GLYR1: variants seen among roughly 807,000 people sequenced by gnomAD.
GLYR1 encodes the protein cytokine-like nuclear factor N-PAC.
In GLYR1, 21 loss-of-function variants were observed where a neutral mutation model predicts 72.7. The ratio of observed to expected loss-of-function variants is 0.29; its 90% confidence interval spans 0.20 to 0.42. GLYR1 has a LOEUF of 0.42. Ranked by LOEUF, GLYR1 falls within the 10% of genes least tolerant of loss-of-function variation. The pLI, the probability that GLYR1 is intolerant of heterozygous loss-of-function variation, is 1.00. For synonymous variants in GLYR1, 392 were observed against 270.2 expected (o/e 1.45, Z -4.42); for missense variants, 594 against 712.1 (o/e 0.83, Z 1.89).
At chr16:4,842,116 C>T (rs753165062) in intron 3 of GLYR1, among the ~76,000 whole-genome samples, 7 of 151,972 alleles carry the variant, frequency 4.6e-5, no homozygotes, top group Non-Finnish European at 7.4e-5. Flanking sequence ...TGGTGGTGTG[C>T]GCCTGTAGTC....
At chr16:4,815,762 T>C (rs2083596833) in intron 10 of GLYR1, among the ~76,000 whole-genome samples, 1 of 152,072 alleles carries the variant, frequency 6.6e-6, no homozygotes, top group South Asian at 2.1e-4. Context: ...CCTGATCATT[T>C]AACCAGTCAA....
intron 3 of GLYR1, among the ~76,000 whole-genome samples, chr16:4,833,726 A>G (rs1257181876): frequency 6.6e-6 from 1 of 152,204 alleles, no homozygotes; most frequent in African/African-American, 2.4e-5. Context: ...TTTAATTTCA[A>G]CCATCAATGT....
chr16:4,813,609 G>A (rs1010915989), intron 12 of GLYR1, 128 bp downstream of exon 12: 1 of 788,640 alleles, frequency 1.3e-6, no homozygotes, highest in Non-Finnish European at 2.1e-6. Context: ...TAGTCCCAAG[G>A]CTACTCGCCT....
At chr16:4,830,402 C>G (rs1377951162) in intron 5 of GLYR1, among the ~76,000 whole-genome samples, 1 of 152,094 alleles carries the variant, frequency 6.6e-6, no homozygotes, top group Non-Finnish European at 1.5e-5. Context: ...TTGGCAGAAG[C>G]TGGCTAGAAC....
intron 8 of GLYR1, 46 bp downstream of exon 8, chr16:4,821,501 A>G: frequency 1.2e-6 from 2 of 1,614,006 alleles, no homozygotes; most frequent in Non-Finnish European, 1.7e-6. Flanking sequence ...CTGCAGTTTA[A>G]GGCCCCAGGT....
rs969820471 is a variant in GLYR1 at position 4,814,065 on chromosome 16, A to G, written c.1018-227T>C. 10 of 126,898 alleles carry G rather than the reference A, an allele frequency of 7.9e-5. No individual in the cohort carries two copies. In the East Asian group the frequency reaches 1.4e-3, roughly 18 times the overall value. The allele number at this position is 126,898 out of a possible 1,614,324, so 7.9% of individuals were successfully genotyped here. On this transcript the variant is annotated intron_variant, in intron 11 of 15. Transcript: ENST00000321919. The stretch of plus-strand genomic sequence containing the variant: ...TGAGTGTGTGCATTTCTTTTTATTT[A>G]AAAAAAAAAAAAAACAAACCCCATT...
chr16:4,824,414 C>G (rs938060769), intron 5 of GLYR1, among the ~76,000 whole-genome samples: 3 of 150,040 alleles, frequency 2.0e-5, no homozygotes, highest in Admixed American at 6.7e-5. Flanking sequence ...GCAGAAGAAT[C>G]GCTTGAACCG....
rs769771526 is a variant in GLYR1, at chr16:4,823,853, C to T, written c.592G>A (p.Ala198Thr). The T allele has an allele frequency of 1.2e-6, 2 of 1,613,984 alleles. No homozygotes were observed. The highest frequency in any genetic ancestry group is 2.7e-5 in the African/African-American group (2 of 74,916). Residue 198 changes from alanine (A) to threonine (T), a missense_variant, in exon 6 of 16, where the codon GCC becomes ACC. This residue lies in a region of GLYR1 where 252 missense variants were observed against 211.3 expected (regional missense o/e 1.19). Coordinates refer to ENST00000321919, the MANE Select transcript of GLYR1 (RefSeq NM_032569.4). Reference sequence around the variant, plus strand: ...GCGGTTGGCTGCCATTTAAACGCGGCCATCGGTCCGGCCATCATCCCCTTC... The same window carrying T: ...GCGGTTGGCTGCCATTTAAACGCGGTCATCGGTCCGGCCATCATCCCCTTC... ...TVKGMMAGPM[A>T]AFKWQPTASE...
At chr16:4,823,223 C>T (rs2084154942) in intron 6 of GLYR1, among the ~76,000 whole-genome samples, 1 of 152,218 alleles carries the variant, frequency 6.6e-6, no homozygotes, top group East Asian at 1.9e-4. Flanking sequence ...CATACCTGTG[C>T]TTTATAAATT....
chr16:4,846,339 T>G, intron 1 of GLYR1, 129 bp from the exon 2 acceptor site: 1 of 1,012,282 alleles, frequency 9.9e-7, no homozygotes, highest in Non-Finnish European at 1.6e-6. Context: ...AAAGCTTTCA[T>G]AGCTGGGCCC....
At chr16:4,829,704 A>C (rs927853335) in intron 5 of GLYR1, among the ~76,000 whole-genome samples, 1 of 147,782 alleles carries the variant, frequency 6.8e-6, no homozygotes, top group Non-Finnish European at 1.5e-5. Flanking sequence ...ACGGAGTCTC[A>C]CTCTGTCGCC....
intron 13 of GLYR1, 74 bp downstream of exon 13, chr16:4,812,012 C>A: frequency 6.5e-7 from 1 of 1,542,794 alleles, no homozygotes; most frequent in Non-Finnish European, 8.7e-7. Context: ...CCGTGTGGGA[C>A]TGACGCTGTC....
chr16:4,823,922 G>A lies in GLYR1; in HGVS notation c.538-15C>T. The A allele has an allele frequency of 6.2e-7, 1 of 1,604,228 alleles. No individual in the cohort carries two copies. Among genetic ancestry groups the A allele is most frequent in the Non-Finnish European group, 8.5e-7 (1 of 1,171,270 alleles). On this transcript the variant is annotated splice_polypyrimidine_tract_variant and intron_variant, in intron 5 of 15. Transcript: ENST00000321919. The stretch of plus-strand genomic sequence containing the variant: ...ATGGTGAGATCCTATAGAGGGAGGG[G>A]CAGGGCATTTTAAAATCACATTCAA...
chr16:4,844,361 T>C (rs201804905), intron 3 of GLYR1, among the ~76,000 whole-genome samples: 6 of 128,002 alleles, frequency 4.7e-5, no homozygotes, highest in Admixed American at 8.9e-5. Flanking sequence ...GTTTTACACA[T>C]GAGAACATGA....
Position 4,832,036 on chromosome 16 carries a change from C to A in GLYR1, c.480G>T (p.Leu160=). ...GSSERGSKSP[L]KRAQEQSPRK... is the part of the protein sequence containing the mutation. Reference sequence around the variant, plus strand: ...GGGGACTTTGCTCTTGGGCTCTTTTCAGAGGGGATTTGGAGCCTCTCTCTG... The same window carrying A: ...GGGGACTTTGCTCTTGGGCTCTTTTAAGAGGGGATTTGGAGCCTCTCTCTG... Residue 160 remains leucine (L), a synonymous_variant, in exon 5 of 16, where the codon CTG becomes CTT. Transcript: ENST00000321919. 1 of 1,614,218 alleles carries A rather than the reference C, an allele frequency of 6.2e-7. No individual in the cohort carries two copies. The highest frequency in any genetic ancestry group is 8.5e-7 in the Non-Finnish European group (1 of 1,180,032).
intron 9 of GLYR1, among the ~76,000 whole-genome samples, chr16:4,818,306 A>G (rs1277736844): frequency 1.3e-5 from 2 of 150,988 alleles, no homozygotes; most frequent in Non-Finnish European, 2.9e-5. Context: ...CACTTTACTT[A>G]TTTTTTGAGA....
Position 4,822,857 on chromosome 16 carries a change from G to A in GLYR1, c.681+18C>T, listed in dbSNP as rs527894721. On this transcript the variant is annotated intron_variant, in intron 7 of 15. Coordinates refer to ENST00000321919, the MANE Select transcript of GLYR1 (RefSeq NM_032569.4). ...GCCAGCCCCTGACCAAGGGCCAAGAGCCTCAAAGGCAACTCACCTTCTCTG... is the reference window on the plus strand; with the variant it reads ...GCCAGCCCCTGACCAAGGGCCAAGAACCTCAAAGGCAACTCACCTTCTCTG... The A allele has an allele frequency of 6.2e-7, 1 of 1,611,378 alleles. No homozygotes were observed. Among genetic ancestry groups the A allele is most frequent in the South Asian group, 1.1e-5 (1 of 91,034 alleles).
intron 15 of GLYR1, among the ~76,000 whole-genome samples, chr16:4,810,120 AC>A (rs1170795285): frequency 6.6e-6 from 1 of 152,208 alleles, no homozygotes; most frequent in East Asian, 1.9e-4. Context: ...GGATTAGTGG[AC>A]ATTTAAAGAT....
intron 7 of GLYR1, 74 bp downstream of exon 7, chr16:4,822,801 A>C (rs2084123245): frequency 1.6e-6 from 2 of 1,277,882 alleles, no homozygotes; most frequent in South Asian, 2.4e-5. Flanking sequence ...TCAGATGGCC[A>C]GGCCAGGACC....
Sources: allele counts gnomAD v4.1 joint callset (sites outside exome capture counted in the v4.1 genomes callset), GRCh38; gene constraint gnomAD v4.1.1; regional missense constraint gnomAD v4.1.1; transcripts MANE v1.5; gene names NCBI Gene and HGNC (gene_info 2026-07-23, HGNC 2026-07-21).